Variants in CACNA1C observed in about 807,000 individuals in gnomAD.
CACNA1C encodes calcium voltage-gated channel subunit alpha1 C.
CACNA1C carries 30 observed loss-of-function variants against 229.0 expected under a neutral mutation model. The ratio of observed to expected loss-of-function variants is 0.13; its 90% CI spans 0.10 to 0.18. The LOEUF (loss-of-function observed/expected upper bound fraction) is 0.18. Among genes scored for constraint, CACNA1C ranks in the 10% least tolerant of loss-of-function variants. CACNA1C has a pLI of 1.00. For missense variants in CACNA1C, 1,658 were observed against 2,845.0 expected (o/e 0.58, Z 9.49); for synonymous variants, 1,114 against 1,132.5 (o/e 0.98, Z 0.33).
intron 1 of CACNA1C, among the ~76,000 whole-genome samples, chr12:2,089,328 TG>T (rs1461017465): frequency 2.0e-5 from 3 of 152,338 alleles, no homozygotes; most frequent in African/African-American, 7.2e-5. Flanking sequence ...AGGATTAATT[TG>T]CATGAAGCTA....
At chr12:2,252,971 A>G (rs1012488202) in intron 3 of CACNA1C, among the ~76,000 whole-genome samples, 2 of 151,760 alleles carry the variant, frequency 1.3e-5, no homozygotes, top group African/African-American at 4.8e-5. Context: ...CTTGTGTTAC[A>G]TGGGCAGGGG....
Position 2,240,418 on chromosome 12 carries a change from G to C in CACNA1C, c.477+119988G>C, listed in dbSNP as rs4765905. ...TTGGATTGCATTTTAGCAATCTTCT[G>C]TTGGGGTCTGTGATGTGTGAAGACA... On this transcript the variant is annotated intron_variant, in intron 3 of 46. Coordinates refer to ENST00000399655, the MANE Select transcript of CACNA1C (RefSeq NM_000719.7). Among the ~76,000 whole-genome samples, 53,804 of 152,142 alleles carry C rather than the reference G, an allele frequency of 0.35. 10,218 individuals carry two copies. Among genetic ancestry groups the C allele is most frequent in the African/African-American group, 0.47 (19,680 of 41,508 alleles).
Position 2,504,168 on chromosome 12 carries a change from A to G in CACNA1C, c.1114-674A>G, listed in dbSNP as rs573860829. ...TTTCTCAGACAAGTGAATAGAAAACATTGGAGAAATGTTTCTTTTTCAGAA... is the reference window on the plus strand; with the variant it reads ...TTTCTCAGACAAGTGAATAGAAAACGTTGGAGAAATGTTTCTTTTTCAGAA... On this transcript the variant is annotated intron_variant, in intron 7 of 46. Coordinates refer to ENST00000399655, the MANE Select transcript of CACNA1C (RefSeq NM_000719.7). The surrounding 1 kb of genome is among the most constrained non-coding windows in gnomAD (Gnocchi z 6.8). Among the ~76,000 whole-genome samples, 2 of 152,334 alleles carry G rather than the reference A, an allele frequency of 1.3e-5. No homozygotes were observed. The highest frequency in any genetic ancestry group is 3.9e-4 in the East Asian group (2 of 5,176).
rs560962211 is a variant in CACNA1C, at chr12:2,415,142, A to G, written c.478-33834A>G. ...CAGGGTGGCGAGGGGGCTCACGCAG[A>G]GGATCCACTTTTCTGTCTTGCTCTT... On this transcript the variant is annotated intron_variant, in intron 3 of 46. Coordinates refer to ENST00000399655, the MANE Select transcript of CACNA1C (RefSeq NM_000719.7). Among the ~76,000 whole-genome samples, 485 of 152,324 alleles carry G rather than the reference A, an allele frequency of 3.2e-3. 1 individual carries two copies. Among genetic ancestry groups the G allele is most frequent in the African/African-American group, 0.011 (462 of 41,576 alleles).
intron 1 of CACNA1C, among the ~76,000 whole-genome samples, chr12:2,006,481 T>G (rs1033508520): frequency 1.3e-5 from 2 of 152,188 alleles, no homozygotes; most frequent in Non-Finnish European, 2.9e-5. Flanking sequence ...ACTAAAAAGT[T>G]GAGAATGGTT....
intron 27 of CACNA1C, among the ~76,000 whole-genome samples, chr12:2,610,141 C>T (rs182322548): frequency 4.7e-4 from 71 of 152,194 alleles, no homozygotes; most frequent in African/African-American, 1.6e-3. Context: ...GAGAGAAGTA[C>T]CCAAGGAGGG....
intron 3 of CACNA1C, among the ~76,000 whole-genome samples, chr12:2,416,301 AG>A (rs2098899086): frequency 1.3e-5 from 2 of 152,026 alleles, no homozygotes; most frequent in South Asian, 4.2e-4. Context: ...GGAAAGTATC[AG>A]GCACATTGGA....
intron 1 of CACNA1C, among the ~76,000 whole-genome samples, chr12:2,031,839 G>C (rs372564356): frequency 3.2e-4 from 49 of 152,160 alleles, no homozygotes; most frequent in African/African-American, 1.1e-3. Flanking sequence ...GAGAATACTG[G>C]CCTCCTGAGC....
intron 3 of CACNA1C, among the ~76,000 whole-genome samples, chr12:2,424,232 C>T (rs1209514343): frequency 1.3e-5 from 2 of 152,186 alleles, no homozygotes; most frequent in African/African-American, 4.8e-5. Flanking sequence ...TAGCCAAATT[C>T]CTACGTGACT....
At chr12:2,459,167 GTGTTTTT>G (rs1158286397) in intron 5 of CACNA1C, among the ~76,000 whole-genome samples, 1,113 of 100,152 alleles carry the variant, frequency 0.011, 16 homozygotes, top group African/African-American at 0.046. Flanking sequence ...TTTTTTGTGT[GTGTTTTT>G]TTTTTTTTTT....
chr12:2,524,594 A>G (rs1259592927), intron 9 of CACNA1C, among the ~76,000 whole-genome samples: 1 of 151,964 alleles, frequency 6.6e-6, no homozygotes, highest in East Asian at 1.9e-4. Context: ...TGAGCTGGGG[A>G]TGGGAGGGAG....
chr12:2,241,522 G>A (rs1192219941), intron 3 of CACNA1C, among the ~76,000 whole-genome samples: 1 of 152,158 alleles, frequency 6.6e-6, no homozygotes, highest in Admixed American at 6.5e-5. Flanking sequence ...GGAGTGGCAG[G>A]ACCAGCTATG....
In CACNA1C at chr12:1,971,636, G is replaced by C. The variant is rs2032319394; in HGVS notation, c.139+435G>C. 6.6e-6 allele frequency among the ~76,000 whole-genome samples: 1 copy of C among 152,078 alleles called. No homozygotes were observed. The highest frequency in any genetic ancestry group is 2.4e-5 in the African/African-American group (1 of 41,394). On this transcript the variant is annotated intron_variant, in intron 1 of 46. Coordinates refer to the CACNA1C transcript ENST00000682462. This position sits in a 1 kb window ranked among gnomAD's most constrained non-coding sequence, Gnocchi z 4.2. ...TTCTTCAGTGGAAAAACCAAAAGCT[G>C]GTCAAATTTTAAGAGGCTAGTTAAG...
chr12:2,268,223 G>A (rs370546968), intron 3 of CACNA1C, among the ~76,000 whole-genome samples: 4 of 152,168 alleles, frequency 2.6e-5, no homozygotes, highest in African/African-American at 9.7e-5. Context: ...CCTCTGAAGA[G>A]GGTTTAGCTT....
chr12:1,993,688 G>A (rs2040095129), intron 1 of CACNA1C, among the ~76,000 whole-genome samples: 2 of 149,122 alleles, frequency 1.3e-5, no homozygotes, highest in African/African-American at 5.0e-5. Context: ...TTAACCTAAC[G>A]TTGTAAATTC....
At position 2,310,373 on chromosome 12, in the gene CACNA1C, G is replaced by A. The variant is rs926524319; in HGVS notation, c.478-138603G>A. 8.8e-4 allele frequency among the ~76,000 whole-genome samples: 126 copies of A among 142,826 alleles called. 1 individual carries two copies. The highest frequency in any genetic ancestry group is 3.3e-3 in the African/African-American group (120 of 36,492). 93.7% of individuals were successfully genotyped at this position (142,826 alleles called of 152,430 possible). A position where few individuals can be genotyped will look rare whatever the true frequency, so the allele number is the denominator to read the frequency against. On this transcript the variant is annotated intron_variant, in intron 3 of 46. Transcript: ENST00000399655. ...AAAAAATATATATATATATATATATGTATGGGAATAAAGACTTCTTGATGT... is the reference window on the plus strand; with the variant it reads ...AAAAAATATATATATATATATATATATATGGGAATAAAGACTTCTTGATGT...
intron 7 of CACNA1C, among the ~76,000 whole-genome samples, chr12:2,497,969 TCACACACACACACACA>T (rs3058710): frequency 1.7e-4 from 24 of 144,014 alleles, no homozygotes; most frequent in African/African-American, 4.6e-4. Context: ...TCTATTAAAT[TCACACACACACACACA>T]CACACACACA....
chr12:2,627,493 C>G (rs992685948), intron 29 of CACNA1C, among the ~76,000 whole-genome samples: 1 of 152,104 alleles, frequency 6.6e-6, no homozygotes, highest in African/African-American at 2.4e-5. Flanking sequence ...CGGCTCTCAT[C>G]ATTTCTGGGA....
chr12:2,438,668 A>C (rs2099182900), intron 3 of CACNA1C, among the ~76,000 whole-genome samples: 1 of 152,002 alleles, frequency 6.6e-6, no homozygotes, highest in Non-Finnish European at 1.5e-5. Context: ...CAGACCTTGA[A>C]CCATGCTAAG....
Sources: gnomAD v4.1 joint callset for allele counts (sites outside exome capture counted in the v4.1 genomes callset) on GRCh38, gnomAD v4.1.1 for gene constraint, Gnocchi (gnomAD v3.1) non-coding constraint, MANE v1.5 for transcripts, NCBI Gene and HGNC (gene_info 2026-07-23, HGNC 2026-07-21) for gene names.